ADGRL3: variants seen among roughly 807,000 people sequenced by gnomAD.
ADGRL3 encodes the protein calcium-independent alpha-latrotoxin receptor 3.
ADGRL3 carries 62 observed loss-of-function variants against 153.5 expected under a neutral mutation model. The ratio of observed to expected loss-of-function variants is 0.40; its 90% CI spans 0.33 to 0.50. ADGRL3 has a LOEUF of 0.50. Ranked by LOEUF, ADGRL3 falls within the 20% of genes least tolerant of loss-of-function variation. The probability of loss-of-function intolerance (pLI) is 0.47; values close to 1 mark genes in which losing one functional copy is unlikely to be tolerated. For missense variants in ADGRL3, 1,641 were observed against 1,859.4 expected (o/e 0.88, Z 2.16); for synonymous variants, 710 against 672.5 (o/e 1.06, Z -0.86).
chr4:61,746,973 A>G (rs1435568960), intron 8 of ADGRL3, among the ~76,000 whole-genome samples: 2 of 152,226 alleles, frequency 1.3e-5, no homozygotes, highest in Admixed American at 1.3e-4. Context: ...AGACTAATAA[A>G]GAAGAAAAGA....
chr4:61,411,980 A>T (rs961764323), intron 2 of ADGRL3, among the ~76,000 whole-genome samples: 2 of 152,196 alleles, frequency 1.3e-5, no homozygotes, highest in South Asian at 4.1e-4. Flanking sequence ...TCATATATTC[A>T]TGTTAATAAA....
At chr4:61,799,238 C>T (rs187954474) in intron 8 of ADGRL3, among the ~76,000 whole-genome samples, 253 of 151,688 alleles carry the variant, frequency 1.7e-3, no homozygotes, top group African/African-American at 5.8e-3. Context: ...AGGTTATCTG[C>T]TTAGTATATT....
At chr4:61,618,640 G>A (rs1223320685) in intron 5 of ADGRL3, among the ~76,000 whole-genome samples, 1 of 152,094 alleles carries the variant, frequency 6.6e-6, no homozygotes, top group Non-Finnish European at 1.5e-5. Flanking sequence ...TGGTGGTCTC[G>A]AGGTTCCAAT....
At chr4:61,372,206 G>A (rs569818655) in intron 1 of ADGRL3, among the ~76,000 whole-genome samples, 8 of 152,094 alleles carry the variant, frequency 5.3e-5, no homozygotes, top group African/African-American at 9.6e-5. Flanking sequence ...TAATTTGATC[G>A]TCTGAAGCCT....
intron 2 of ADGRL3, among the ~76,000 whole-genome samples, chr4:61,439,279 T>C (rs2097498502): frequency 6.6e-6 from 1 of 152,114 alleles, no homozygotes; most frequent in Non-Finnish European, 1.5e-5. Flanking sequence ...ACTTAGAAAT[T>C]TTTATAAGAG....
chr4:61,737,880 T>C (rs1488825536), intron 8 of ADGRL3, among the ~76,000 whole-genome samples: 1 of 152,180 alleles, frequency 6.6e-6, no homozygotes, highest in African/African-American at 2.4e-5. Flanking sequence ...ATGATTTGTT[T>C]TTATAAGGGT....
At chr4:62,049,882 T>C (rs1170089839) in intron 25 of ADGRL3, among the ~76,000 whole-genome samples, 3 of 152,134 alleles carry the variant, frequency 2.0e-5, no homozygotes, top group Non-Finnish European at 4.4e-5. Flanking sequence ...CTTCAGAAGG[T>C]CCTTGAGAGG....
intron 1 of ADGRL3, among the ~76,000 whole-genome samples, chr4:61,207,997 G>C (rs1738105520): frequency 6.6e-6 from 1 of 152,110 alleles, no homozygotes; most frequent in Admixed American, 6.5e-5. Flanking sequence ...TTAATTATTT[G>C]GCATTTTCAT....
At chr4:61,364,001 A>C (rs1020602639) in intron 1 of ADGRL3, among the ~76,000 whole-genome samples, 5 of 152,030 alleles carry the variant, frequency 3.3e-5, no homozygotes, top group Non-Finnish European at 7.4e-5. Flanking sequence ...GTCAAATAAT[A>C]AATAATATAT....
At chr4:61,946,022 A>T (rs191316018) in intron 15 of ADGRL3, among the ~76,000 whole-genome samples, 1 of 152,322 alleles carries the variant, frequency 6.6e-6, no homozygotes, top group Non-Finnish European at 1.5e-5. Context: ...ATAATAATTG[A>T]CTTGTTTCCA....
chr4:61,874,759 G>A lies in ADGRL3; in HGVS notation c.1481-17897G>A, dbSNP rs370596951. Among the ~76,000 whole-genome samples the A allele has an allele frequency of 4.6e-4, 50 of 109,236 alleles. 1 individual carries two copies. Among genetic ancestry groups the A allele is most frequent in the African/African-American group, 1.7e-3 (50 of 29,694 alleles). 71.7% of individuals were successfully genotyped at this position (109,236 alleles called of 152,430 possible). A position where few individuals can be genotyped will look rare whatever the true frequency, so the allele number is the denominator to read the frequency against. On this transcript the variant is annotated intron_variant, in intron 9 of 26. Transcript: ENST00000683033. ...TAACCATCACCACTTTTTCATTTGT[G>A]TAAAATATTTTCAACGACATCAAAA... is the stretch of plus-strand genomic sequence containing the variant.
intron 1 of ADGRL3, among the ~76,000 whole-genome samples, chr4:61,332,096 A>G (rs971051988): frequency 4.6e-5 from 7 of 152,170 alleles, no homozygotes; most frequent in African/African-American, 1.7e-4. Context: ...TTGTAAGGAA[A>G]CTAGGAACAG....
intron 3 of ADGRL3, among the ~76,000 whole-genome samples, chr4:61,508,545 G>T (rs2098444616): frequency 6.6e-6 from 1 of 152,038 alleles, no homozygotes; most frequent in Non-Finnish European, 1.5e-5. Context: ...AAGCATATCT[G>T]GATCTTTTTT....
intron 17 of ADGRL3, among the ~76,000 whole-genome samples, chr4:61,977,125 C>G (rs2099050810): frequency 6.6e-6 from 1 of 152,064 alleles, no homozygotes; most frequent in South Asian, 2.1e-4. Context: ...GAAGAGCCTA[C>G]TAAGGCACTG....
chr4:61,862,981 T>C (rs1029442726), intron 9 of ADGRL3, among the ~76,000 whole-genome samples: 2 of 152,056 alleles, frequency 1.3e-5, no homozygotes, highest in Admixed American at 1.3e-4. Context: ...TCTAATTGAG[T>C]AGGCTGGGGA....
intron 5 of ADGRL3, among the ~76,000 whole-genome samples, chr4:61,652,151 GCATT>G (rs2094282253): frequency 6.6e-6 from 1 of 152,112 alleles, no homozygotes. Flanking sequence ...ATTTTGGCAA[GCATT>G]CAAAGAGTGG....
intron 21 of ADGRL3, among the ~76,000 whole-genome samples, chr4:62,016,840 T>C (rs776702685): frequency 2.0e-5 from 3 of 152,134 alleles, no homozygotes; most frequent in Non-Finnish European, 4.4e-5. Flanking sequence ...TCTTCTTTTG[T>C]TGAGGCCTTC....
At chr4:61,585,716 A>G (rs113227977) in intron 4 of ADGRL3, among the ~76,000 whole-genome samples, 1 of 152,158 alleles carries the variant, frequency 6.6e-6, no homozygotes, top group South Asian at 2.1e-4. Flanking sequence ...TTGTTGAGTT[A>G]TCATAACTTA....
At chr4:61,835,816 A>G (rs1283624825) in intron 9 of ADGRL3, among the ~76,000 whole-genome samples, 1 of 152,176 alleles carries the variant, frequency 6.6e-6, no homozygotes, top group Non-Finnish European at 1.5e-5. Context: ...CTGGGCCACC[A>G]TTGTCAAAAG....
Sources: gnomAD v4.1 joint callset for allele counts (sites outside exome capture counted in the v4.1 genomes callset) on GRCh38, gnomAD v4.1.1 for gene constraint, MANE v1.5 for transcripts, NCBI Gene and HGNC (gene_info 2026-07-23, HGNC 2026-07-21) for gene names.